Variants in CREM observed in about 807,000 individuals in gnomAD.
The protein encoded by CREM is cAMP-responsive element modulator.
A neutral mutation model predicts 37.3 loss-of-function variants in CREM; 13 were observed. The observed-to-expected ratio is 0.35, with a 90% CI of 0.23 to 0.55. The LOEUF (loss-of-function observed/expected upper bound fraction) is 0.55, where lower values mean the gene tolerates loss of function less well. Among genes scored for constraint, CREM ranks in the 20% least tolerant of loss-of-function variants. The pLI is 0.88. For missense variants in CREM, 296 were observed against 362.3 expected (o/e 0.82, Z 1.49); for synonymous variants, 124 against 120.2 (o/e 1.03, Z -0.21).
At chr10:35,175,832 C>G in intron 3 of CREM, 2 of 1,599,048 alleles carry the variant, frequency 1.3e-6, no homozygotes, top group Non-Finnish European at 1.7e-6. Flanking sequence ...CTTTAATCCT[C>G]AATGGTGATC....
At chr10:35,173,571 T>C (rs554463600) in intron 3 of CREM, among the ~76,000 whole-genome samples, 3 of 152,374 alleles carry the variant, frequency 2.0e-5, no homozygotes, top group Admixed American at 1.3e-4. Context: ...TTACTATTTT[T>C]AAAATTTCTG....
intron 6 of CREM, among the ~76,000 whole-genome samples, chr10:35,205,272 T>C (rs1178611099): frequency 6.6e-6 from 1 of 152,258 alleles, no homozygotes; most frequent in Non-Finnish European, 1.5e-5. Context: ...ACTAAGTAAA[T>C]ATTAAACGCT....
intron 7 of CREM, 88 bp from the exon 8 acceptor site, chr10:35,211,166 T>G (rs74711458): frequency 5.5e-6 from 8 of 1,448,986 alleles, no homozygotes. Context: ...CGATTGGCTG[T>G]TGAGTTCGGG....
At chr10:35,207,080 T>G (rs2134603791) in intron 7 of CREM, 29 bp downstream of exon 7, 2 of 1,591,160 alleles carry the variant, frequency 1.3e-6, no homozygotes, top group East Asian at 2.3e-5. Flanking sequence ...AATCGGTAAC[T>G]TCTAGGACAC....
At chr10:35,166,026 CAAT>C (rs1222472218) in intron 3 of CREM, among the ~76,000 whole-genome samples, 2 of 152,012 alleles carry the variant, frequency 1.3e-5, no homozygotes, top group African/African-American at 4.8e-5. Context: ...GTATCAGAAA[CAAT>C]GATCCTTTTC....
intron 3 of CREM, among the ~76,000 whole-genome samples, chr10:35,167,267 C>G (rs897679129): frequency 6.6e-6 from 1 of 152,038 alleles, no homozygotes; most frequent in Non-Finnish European, 1.5e-5. Context: ...AATGCTTTTT[C>G]CCCTATAGAA....
chr10:35,151,077 T>G (rs1040538048), intron 3 of CREM, among the ~76,000 whole-genome samples: 4 of 152,126 alleles, frequency 2.6e-5, no homozygotes, highest in Non-Finnish European at 4.4e-5. Flanking sequence ...CTTGAACTAA[T>G]AGAGAAAGAT....
At chr10:35,198,292 A>G (rs576355751) in intron 6 of CREM, among the ~76,000 whole-genome samples, 1 of 152,288 alleles carries the variant, frequency 6.6e-6, no homozygotes, top group East Asian at 1.9e-4. Flanking sequence ...TGGGAGGCCA[A>G]GGCGGGCGGA....
At chr10:35,197,340 T>G (rs976550194) in intron 6 of CREM, among the ~76,000 whole-genome samples, 1 of 152,038 alleles carries the variant, frequency 6.6e-6, no homozygotes, top group Non-Finnish European at 1.5e-5. Context: ...TTGGAAATCA[T>G]ATTTTTAAAA....
chr10:35,175,941 G>A (rs1323764785), intron 3 of CREM: 1 of 1,551,366 alleles, frequency 6.4e-7, no homozygotes, highest in Non-Finnish European at 8.7e-7. Flanking sequence ...CATGTCCAGG[G>A]AGTAATTCAG....
chr10:35,152,246 A>T (rs926037986), intron 3 of CREM: 7 of 152,200 alleles, frequency 4.6e-5, no homozygotes, highest in African/African-American at 1.7e-4. Context: ...AGGTCATTTG[A>T]TACTGGTTGT....
intron 6 of CREM, among the ~76,000 whole-genome samples, chr10:35,193,260 A>G (rs548555615): frequency 6.6e-6 from 1 of 152,268 alleles, no homozygotes; most frequent in South Asian, 2.1e-4. Flanking sequence ...TGAAAATGTG[A>G]TTTGTTCTGT....
At chr10:35,194,419 A>G (rs1042122198) in intron 6 of CREM, among the ~76,000 whole-genome samples, 1 of 152,248 alleles carries the variant, frequency 6.6e-6, no homozygotes, top group African/African-American at 2.4e-5. Flanking sequence ...ATAAGGTATT[A>G]GATTGAATCA....
chr10:35,132,934 T>C (rs1564782721), intron 1 of CREM, among the ~76,000 whole-genome samples: 1 of 152,250 alleles, frequency 6.6e-6, no homozygotes, highest in Non-Finnish European at 1.5e-5. Context: ...AAATTACAGT[T>C]AACCTATGGA....
intron 5 of CREM, among the ~76,000 whole-genome samples, chr10:35,185,466 A>G (rs564957847): frequency 2.2e-4 from 33 of 152,284 alleles, no homozygotes; most frequent in African/African-American, 7.9e-4. Context: ...CTAAAGCACT[A>G]TTTCTGTGAC....
intron 6 of CREM, among the ~76,000 whole-genome samples, chr10:35,199,792 T>C (rs1365126903): frequency 6.6e-6 from 1 of 151,762 alleles, no homozygotes; most frequent in Admixed American, 6.6e-5. Flanking sequence ...CATTGACACA[T>C]GAATGCAGTG....
intron 6 of CREM, among the ~76,000 whole-genome samples, chr10:35,189,476 A>T (rs551573984): frequency 3.3e-5 from 5 of 151,846 alleles, no homozygotes; most frequent in Admixed American, 2.6e-4. Context: ...ACTATTTTTT[A>T]AAAATTTGCT....
chr10:35,136,095 T>C (rs1412604040), intron 1 of CREM, among the ~76,000 whole-genome samples: 3 of 152,222 alleles, frequency 2.0e-5, no homozygotes, highest in East Asian at 1.9e-4. Flanking sequence ...TCTTCAGTGC[T>C]AGTTACCTCT....
chr10:35,164,669 GTACTCTGACCA>G (rs2136528119), intron 3 of CREM, among the ~76,000 whole-genome samples: 1 of 152,324 alleles, frequency 6.6e-6, no homozygotes, highest in Admixed American at 6.5e-5. Context: ...TACTATTTAT[GTACTCTGACCA>G]TTGGACTGGA....
Sources: allele counts gnomAD v4.1 joint callset (sites outside exome capture counted in the v4.1 genomes callset), GRCh38; gene constraint gnomAD v4.1.1; transcripts MANE v1.5; gene names NCBI Gene and HGNC (gene_info 2026-07-23, HGNC 2026-07-21).